Variants in YPEL2 observed in about 807,000 individuals in gnomAD.
The protein encoded by YPEL2 is protein yippee-like 2.
In YPEL2, 2 loss-of-function variants were observed where a neutral mutation model predicts 19.1. The observed-to-expected ratio is 0.10, with a 90% confidence interval of 0.04 to 0.33. YPEL2 has a LOEUF of 0.33. Among genes scored for constraint, YPEL2 ranks in the 10% least tolerant of loss-of-function variants. The probability of loss-of-function intolerance (pLI) is 1.00; values close to 1 mark genes in which losing one functional copy is unlikely to be tolerated. For synonymous variants in YPEL2, 52 were observed against 50.0 expected (o/e 1.04, Z -0.17); for missense variants, 66 against 140.7 (o/e 0.47, Z 2.68).
chr17:59,375,413 C>G (rs147733400), intron 2 of YPEL2, among the ~76,000 whole-genome samples: 15 of 152,272 alleles, frequency 9.9e-5, no homozygotes, highest in African/African-American at 3.4e-4. Context: ...GGTGCCAAAG[C>G]AAGAAGGGAT....
At chr17:59,369,408 G>T (rs1329457567) in intron 2 of YPEL2, among the ~76,000 whole-genome samples, 2 of 152,232 alleles carry the variant, frequency 1.3e-5, no homozygotes. Context: ...CCACCTCACA[G>T]ATTCCTTTTC....
At chr17:59,343,658 T>C (rs2047742465) in intron 1 of YPEL2, among the ~76,000 whole-genome samples, 1 of 152,134 alleles carries the variant, frequency 6.6e-6, no homozygotes, top group African/African-American at 2.4e-5. Context: ...GAGTTTGATC[T>C]GTAGGAAACA....
At chr17:59,391,181 T>C (rs1009674) in intron 4 of YPEL2, among the ~76,000 whole-genome samples, 82,620 of 151,862 alleles carry the variant, frequency 0.54, 23,141 homozygotes, top group East Asian at 0.67. Flanking sequence ...TGTCCTGTCA[T>C]ATGGCTCATG....
intron 2 of YPEL2, among the ~76,000 whole-genome samples, chr17:59,368,798 G>A (rs565267423): frequency 6.6e-6 from 1 of 152,252 alleles, no homozygotes; most frequent in South Asian, 2.1e-4. Context: ...TATTGAGATT[G>A]GATGAGAATA....
At chr17:59,390,125 C>T (rs1668399136) in intron 4 of YPEL2, among the ~76,000 whole-genome samples, 1 of 152,100 alleles carries the variant, frequency 6.6e-6, no homozygotes, top group African/African-American at 2.4e-5. Context: ...CTCAGCCTCC[C>T]AAGTAGCTGG....
At chr17:59,365,886 A>G (rs541224861) in intron 2 of YPEL2, among the ~76,000 whole-genome samples, 1 of 152,134 alleles carries the variant, frequency 6.6e-6, no homozygotes, top group East Asian at 1.9e-4. Flanking sequence ...ATCAGTCCAT[A>G]AACTCCCTCC....
At chr17:59,385,776 T>G (rs1175173693) in intron 2 of YPEL2, among the ~76,000 whole-genome samples, 2 of 152,200 alleles carry the variant, frequency 1.3e-5, no homozygotes, top group Non-Finnish European at 2.9e-5. Context: ...AATAGTACAC[T>G]TCAAATATAC....
intron 2 of YPEL2, among the ~76,000 whole-genome samples, chr17:59,362,048 C>T (rs41346650): frequency 0.5 from 75,392 of 151,968 alleles, 18,991 homozygotes; most frequent in East Asian, 0.55. Context: ...GTCCCATTGA[C>T]AGTTGGTTGC....
At chr17:59,369,404 C>T (rs974026890) in intron 2 of YPEL2, among the ~76,000 whole-genome samples, 1 of 152,236 alleles carries the variant, frequency 6.6e-6, no homozygotes, top group Non-Finnish European at 1.5e-5. Flanking sequence ...GACCCCACCT[C>T]ACAGATTCCT....
Position 59,353,056 on chromosome 17 carries a change from C to G in YPEL2, c.-195-159C>G, listed in dbSNP as rs2147940085. On this transcript the variant is annotated intron_variant, in intron 1 of 4. Transcript: ENST00000312655. The surrounding 1 kb of genome is among the most constrained non-coding windows in gnomAD (Gnocchi z 4.8). ...CTGGAGTCTCCAGTGGTTTCTTTCT[C>G]ATTCATTGGGTATCTTGGGCATGAT... 6.6e-6 allele frequency among the ~76,000 whole-genome samples: 1 copy of G among 152,312 alleles called. No homozygotes were observed. The highest frequency in any genetic ancestry group is 2.1e-4 in the South Asian group (1 of 4,820).
At chr17:59,378,512 T>A (rs935329812) in intron 2 of YPEL2, among the ~76,000 whole-genome samples, 4 of 152,100 alleles carry the variant, frequency 2.6e-5, no homozygotes, top group African/African-American at 9.7e-5. Context: ...GCCCAGCTAA[T>A]TTTGGTAGAG....
intron 2 of YPEL2, among the ~76,000 whole-genome samples, chr17:59,364,277 T>A (rs1403544911): frequency 2.0e-5 from 3 of 152,074 alleles, no homozygotes; most frequent in Non-Finnish European, 4.4e-5. Context: ...ATTTTGCACT[T>A]TGCCACCTCC....
intron 1 of YPEL2, among the ~76,000 whole-genome samples, chr17:59,338,423 T>G (rs2047710247): frequency 6.6e-6 from 1 of 152,226 alleles, no homozygotes; most frequent in Non-Finnish European, 1.5e-5. Flanking sequence ...CTCAAGACAT[T>G]CTGTTCAGGA....
At chr17:59,387,453 A>C (rs1415514521) in intron 2 of YPEL2, among the ~76,000 whole-genome samples, 3 of 151,870 alleles carry the variant, frequency 2.0e-5, no homozygotes, top group Admixed American at 6.6e-5. Context: ...GCAGACTAAG[A>C]TACTAAATTC....
intron 1 of YPEL2, among the ~76,000 whole-genome samples, chr17:59,335,266 C>G (rs977377112): frequency 6.6e-6 from 1 of 152,172 alleles, no homozygotes; most frequent in African/African-American, 2.4e-5. Flanking sequence ...GGATATAGCA[C>G]TGGAGAGCTT....
intron 4 of YPEL2, among the ~76,000 whole-genome samples, chr17:59,394,153 G>C (rs560730373): frequency 4.7e-5 from 7 of 149,176 alleles, no homozygotes; most frequent in South Asian, 4.3e-4. Flanking sequence ...CTGACCCCCC[G>C]ACCTCCCTCC....
chr17:59,338,530 G>T (rs115992802), intron 1 of YPEL2, among the ~76,000 whole-genome samples: 168 of 152,330 alleles, frequency 1.1e-3, no homozygotes, highest in African/African-American at 3.8e-3. Flanking sequence ...GAATGAAGAG[G>T]ATTTACACAT....
intron 2 of YPEL2, among the ~76,000 whole-genome samples, chr17:59,375,758 A>C (rs752021705): frequency 7.9e-5 from 12 of 152,252 alleles, no homozygotes; most frequent in Non-Finnish European, 1.6e-4. Context: ...CTTGAGCGAG[A>C]GAATTAAATT....
chr17:59,357,890 C>T (rs1351300775), intron 2 of YPEL2, among the ~76,000 whole-genome samples: 2 of 152,088 alleles, frequency 1.3e-5, no homozygotes, highest in African/African-American at 4.8e-5. Flanking sequence ...GCTCTGGGTC[C>T]TGGAGGAAAG....
Sources: gnomAD v4.1 joint callset for allele counts (sites outside exome capture counted in the v4.1 genomes callset) on GRCh38, gnomAD v4.1.1 for gene constraint, Gnocchi (gnomAD v3.1) non-coding constraint, MANE v1.5 for transcripts, NCBI Gene and HGNC (gene_info 2026-07-23, HGNC 2026-07-21) for gene names.